Variants in LGSN observed in about 807,000 individuals in gnomAD.
The protein encoded by LGSN is lengsin.
Under a neutral mutation model 19.5 loss-of-function variants are expected in LGSN, and 21 were observed. The observed-to-expected ratio is 1.07, with a 90% confidence interval of 0.76 to 1.55. The LOEUF (loss-of-function observed/expected upper bound fraction) is 1.55, where lower values mean the gene tolerates loss of function less well. LGSN is among the 40% of genes most tolerant of loss of function. The pLI, the probability that LGSN is intolerant of heterozygous loss-of-function variation, is 0.00. For missense variants in LGSN, 673 were observed against 608.5 expected, an observed-to-expected ratio of 1.11 and a Z score of -1.12; for synonymous variants, 257 against 215.6, an observed-to-expected ratio of 1.19 and a Z score of -1.68.
the LGSN span, among the ~76,000 whole-genome samples, chr6:63,426,237 A>G: frequency 6.6e-6 from 1 of 152,202 alleles, no homozygotes; most frequent in African/African-American, 2.4e-5. Context: ...TCCAAGTTTT[A>G]TGATCCTTAG....
At chr6:63,383,152 A>C in the LGSN span, among the ~76,000 whole-genome samples, 1 of 152,108 alleles carries the variant, frequency 6.6e-6, no homozygotes, top group South Asian at 2.1e-4. Context: ...TTATAGAGAT[A>C]GGGTATAGCT....
chr6:63,467,081 C>A, the LGSN span, among the ~76,000 whole-genome samples: 1 of 151,972 alleles, frequency 6.6e-6, no homozygotes, highest in Admixed American at 6.6e-5. Context: ...CTGCAGCACT[C>A]CACCATTAAA....
At chr6:63,402,344 T>C in the LGSN span, among the ~76,000 whole-genome samples, 2 of 152,070 alleles carry the variant, frequency 1.3e-5, no homozygotes, top group East Asian at 1.9e-4. Flanking sequence ...GATGGAAAGA[T>C]AGAAAAATAA....
At chr6:63,553,268 G>A in the LGSN span, among the ~76,000 whole-genome samples, 1 of 152,180 alleles carries the variant, frequency 6.6e-6, no homozygotes, top group Non-Finnish European at 1.5e-5. Context: ...ACACAAGGCT[G>A]AAATTTTGTA....
chr6:63,350,270 G>A, the LGSN span, among the ~76,000 whole-genome samples: 1 of 152,080 alleles, frequency 6.6e-6, no homozygotes, highest in Non-Finnish European at 1.5e-5. Flanking sequence ...TCTTTCTTTG[G>A]TTATAATATG....
At chr6:63,365,203 G>C in the LGSN span, among the ~76,000 whole-genome samples, 1 of 152,008 alleles carries the variant, frequency 6.6e-6, no homozygotes, top group African/African-American at 2.4e-5. Context: ...GACTAATAAA[G>C]AAGAAAAGAG....
the LGSN span, among the ~76,000 whole-genome samples, chr6:63,378,528 G>C: frequency 6.6e-6 from 1 of 152,144 alleles, no homozygotes; most frequent in Non-Finnish European, 1.5e-5. Flanking sequence ...AAAGAAAATA[G>C]GTTTATTTGG....
the LGSN span, among the ~76,000 whole-genome samples, chr6:63,335,121 T>C: frequency 3.6e-5 from 5 of 139,070 alleles, no homozygotes; most frequent in Non-Finnish European, 7.6e-5. Context: ...TCCAGCCTGA[T>C]GACAGAATGA....
the LGSN span, among the ~76,000 whole-genome samples, chr6:63,368,080 T>C: frequency 1.4e-5 from 2 of 147,470 alleles, no homozygotes; most frequent in Admixed American, 6.7e-5. Flanking sequence ...CCCTAGAACT[T>C]AAAGTATAAA....
chr6:63,330,015 G>GCT, the LGSN span, among the ~76,000 whole-genome samples: 1 of 152,130 alleles, frequency 6.6e-6, no homozygotes, highest in African/African-American at 2.4e-5. Flanking sequence ...AAACATACCC[G>GCT]GGGCTCAGTG....
At chr6:63,452,020 G>T in the LGSN span, among the ~76,000 whole-genome samples, 3 of 141,876 alleles carry the variant, frequency 2.1e-5, no homozygotes, top group Admixed American at 1.4e-4. Context: ...TTGCATCTTT[G>T]TTTATGAGAA....
At chr6:63,450,911 C>T in the LGSN span, among the ~76,000 whole-genome samples, 1 of 152,072 alleles carries the variant, frequency 6.6e-6, no homozygotes, top group African/African-American at 2.4e-5. Context: ...TGAGCTCAGA[C>T]AATCCCCCTG....
the LGSN span, among the ~76,000 whole-genome samples, chr6:63,384,871 C>G: frequency 4.7e-3 from 721 of 152,264 alleles, 4 homozygotes; most frequent in South Asian, 0.01. Flanking sequence ...TATGGGAAGT[C>G]CCTAATCCAA....
the LGSN span, among the ~76,000 whole-genome samples, chr6:63,436,077 CT>C: frequency 6.6e-6 from 1 of 152,136 alleles, no homozygotes; most frequent in Non-Finnish European, 1.5e-5. Context: ...ACCTTACTTT[CT>C]TTAAGTTCAA....
chr6:63,331,533 G>A, the LGSN span, among the ~76,000 whole-genome samples: 208 of 152,128 alleles, frequency 1.4e-3, no homozygotes, highest in South Asian at 2.9e-3. Flanking sequence ...AGACAAAACC[G>A]CCCGTGGTTT....
the LGSN span, among the ~76,000 whole-genome samples, chr6:63,458,587 A>G: frequency 1.3e-5 from 2 of 152,098 alleles, no homozygotes; most frequent in African/African-American, 4.8e-5. Context: ...GGACCCAGCT[A>G]AGGTTGGAGG....
At chr6:63,526,057 G>T in the LGSN span, among the ~76,000 whole-genome samples, 3 of 152,166 alleles carry the variant, frequency 2.0e-5, no homozygotes, top group African/African-American at 7.2e-5. Context: ...AGGCGCAGTG[G>T]CTCATGCCTG....
chr6:63,336,648 T>A, the LGSN span, among the ~76,000 whole-genome samples: 2 of 151,172 alleles, frequency 1.3e-5, no homozygotes, highest in Non-Finnish European at 2.9e-5. Flanking sequence ...TTTTTTGAAA[T>A]GGACTCTCGT....
Position 63,280,342 on chromosome 6 carries a change from G to T in LGSN, c.1209C>A (p.Thr403=). ...FNIKCHGEKG[T]RIENKLGSAT... ...CTGAGCCTAGTTTATTTTCTATCCG[G>T]GTGCCTTTCTCTCCATGACATTTGA... Residue 403 remains threonine, a synonymous_variant, in exon 4 of 4, where the codon ACC becomes ACA. Transcript: ENST00000370657. The T allele has an allele frequency of 6.2e-7, 1 of 1,614,082 alleles. No homozygotes were observed. Among genetic ancestry groups the T allele is most frequent in the South Asian group, 1.1e-5 (1 of 91,076 alleles).
Sources: allele counts gnomAD v4.1 joint callset (sites outside exome capture counted in the v4.1 genomes callset), GRCh38; gene constraint gnomAD v4.1.1; transcripts MANE v1.5; gene names NCBI Gene and HGNC (gene_info 2026-07-23, HGNC 2026-07-21).